The following ENAH variants were observed in gnomAD, a reference collection of about 807,000 sequenced individuals.
The protein encoded by ENAH is protein enabled homolog.
Under a neutral mutation model 78.7 loss-of-function variants are expected in ENAH, and 23 were observed. The observed-to-expected ratio is 0.29, with a 90% CI of 0.21 to 0.41. The LOEUF is 0.41. ENAH is among the 10% of genes least tolerant of loss of function. The pLI, the probability that ENAH is intolerant of heterozygous loss-of-function variation, is 1.00. For synonymous variants in ENAH, 226 were observed against 241.0 expected, an observed-to-expected ratio of 0.94 and a Z score of 0.58; for missense variants, 544 against 691.0, an observed-to-expected ratio of 0.79 and a Z score of 2.39.
At chr1:225,568,212 A>C (rs2096743939) in intron 1 of ENAH, among the ~76,000 whole-genome samples, 2 of 152,196 alleles carry the variant, frequency 1.3e-5, no homozygotes, top group Admixed American at 1.3e-4. Context: ...TTTGTTACCA[A>C]GTGAGACTGA....
intron 1 of ENAH, among the ~76,000 whole-genome samples, chr1:225,628,434 A>G (rs1658345590): frequency 6.6e-6 from 1 of 152,220 alleles, no homozygotes; most frequent in Admixed American, 6.5e-5. Context: ...CCTGTAAACC[A>G]CATAAATAGC....
chr1:225,585,329 A>G lies in ENAH; in HGVS notation c.6-17915T>C, dbSNP rs11579763. Among the ~76,000 whole-genome samples the G allele has an allele frequency of 9.6e-3, 1,454 of 152,208 alleles. 11 individuals carry two copies. Among genetic ancestry groups the G allele is most frequent in the South Asian group, 0.019 (91 of 4,826 alleles). On this transcript the variant is annotated intron_variant, in intron 1 of 13. Transcript: ENST00000366843. ...TAAACTGATAAAACTAGACAACAGA[A>G]GTACACAAAAAAATTTGCAAGCACA...
intron 1 of ENAH, among the ~76,000 whole-genome samples, chr1:225,600,048 A>C (rs1310178861): frequency 3.9e-5 from 6 of 152,026 alleles, no homozygotes. Flanking sequence ...CCATGAGTAA[A>C]AGCTCCCTGA....
chr1:225,510,050 C>A (rs191838540), intron 10 of ENAH, among the ~76,000 whole-genome samples: 1 of 152,358 alleles, frequency 6.6e-6, no homozygotes, highest in East Asian at 1.9e-4. Context: ...AACTTCACAC[C>A]TGTGTGTCTC....
intron 2 of ENAH, among the ~76,000 whole-genome samples, chr1:225,561,616 G>A (rs190309574): frequency 0.23 from 3,871 of 16,908 alleles, 82 homozygotes; most frequent in Non-Finnish European, 0.29. Flanking sequence ...GTGAGATTCC[G>A]TCTTAAAATA....
intron 1 of ENAH, among the ~76,000 whole-genome samples, chr1:225,573,048 GA>G (rs1483620195): frequency 6.6e-6 from 1 of 152,182 alleles, no homozygotes; most frequent in Non-Finnish European, 1.5e-5. Flanking sequence ...TATGTGATGA[GA>G]ACGCTTGCCA....
chr1:225,556,043 CTGTG>C (rs2096664981), intron 2 of ENAH, among the ~76,000 whole-genome samples: 3 of 152,282 alleles, frequency 2.0e-5, no homozygotes, highest in Admixed American at 2.0e-4. Context: ...TTGCATGCAG[CTGTG>C]GTTTGTTCAT....
intron 3 of ENAH, among the ~76,000 whole-genome samples, chr1:225,550,176 T>C (rs1200547502): frequency 6.6e-6 from 1 of 152,210 alleles, no homozygotes; most frequent in Non-Finnish European, 1.5e-5. Context: ...CTATCTAGAA[T>C]GTTCTATCAC....
chr1:225,514,949 ATAT>A, intron 6 of ENAH, 49 bp from the exon 7 acceptor site: 1 of 1,463,076 alleles, frequency 6.8e-7, no homozygotes. Flanking sequence ...GAGCTGAGTG[ATAT>A]TATTTTATGT....
In ENAH at chr1:225,497,033, G is replaced by A. The variant is rs1268166343; in HGVS notation, c.*742C>T. The A allele has an allele frequency of 6.6e-6, 1 of 152,608 alleles. No individual in the cohort carries two copies. The highest frequency in any genetic ancestry group is 1.5e-5 in the Non-Finnish European group (1 of 68,030). The allele number at this position is 152,608 out of a possible 1,614,324, so 9.5% of individuals were successfully genotyped here. On this transcript the variant is annotated 3_prime_UTR_variant, in exon 14 of 14. Coordinates refer to ENST00000366843, the MANE Select transcript of ENAH (RefSeq NM_018212.6). ...TTTGACCACTGGTTTGTGTTATGTA[G>A]AAGTCATAGATTTGGTAAAGCATTG...
intron 3 of ENAH, among the ~76,000 whole-genome samples, chr1:225,531,254 A>T (rs1428981186): frequency 1.3e-5 from 2 of 152,142 alleles, no homozygotes; most frequent in African/African-American, 2.4e-5. Context: ...TTTTTAATGT[A>T]ACAGGTAATT....
intron 4 of ENAH, among the ~76,000 whole-genome samples, chr1:225,522,482 A>C (rs1362069633): frequency 1.3e-5 from 2 of 152,220 alleles, no homozygotes; most frequent in Admixed American, 6.5e-5. Flanking sequence ...TCAGATTTTC[A>C]GGATCTAGTA....
intron 5 of ENAH, chr1:225,517,712 A>C (rs1364206645): frequency 3.9e-6 from 6 of 1,551,150 alleles, no homozygotes; most frequent in Non-Finnish European, 5.2e-6. Flanking sequence ...GAAGGTCGAG[A>C]GTTTTTGTTC....
intron 1 of ENAH, among the ~76,000 whole-genome samples, chr1:225,581,100 A>C (rs776286159): frequency 6.6e-6 from 1 of 152,050 alleles, no homozygotes; most frequent in African/African-American, 2.4e-5. Flanking sequence ...ACAGCATGAG[A>C]GTTCACAAAA....
chr1:225,589,350 T>C (rs2096864040), intron 1 of ENAH, among the ~76,000 whole-genome samples: 2 of 152,218 alleles, frequency 1.3e-5, no homozygotes, highest in Admixed American at 6.5e-5. Context: ...GGTAACGATA[T>C]AAATACTGAC....
chr1:225,645,300 G>A (rs1174558828), intron 1 of ENAH, among the ~76,000 whole-genome samples: 1 of 152,134 alleles, frequency 6.6e-6, no homozygotes, highest in Non-Finnish European at 1.5e-5. Flanking sequence ...GGCATATATC[G>A]CCTTTTGTGT....
chr1:225,627,088 C>T (rs1658085150), intron 1 of ENAH, among the ~76,000 whole-genome samples: 2 of 152,144 alleles, frequency 1.3e-5, no homozygotes, highest in Admixed American at 1.3e-4. Context: ...ATGGGCTCTA[C>T]AGTTTACAAA....
chr1:225,639,900 G>C (rs1480701457), intron 1 of ENAH, among the ~76,000 whole-genome samples: 1 of 152,158 alleles, frequency 6.6e-6, no homozygotes. Context: ...ACTGACTGTA[G>C]TATGTGTGGA....
chr1:225,539,289 T>C (rs910515853), intron 3 of ENAH, among the ~76,000 whole-genome samples: 1 of 152,174 alleles, frequency 6.6e-6, no homozygotes, highest in African/African-American at 2.4e-5. Flanking sequence ...GCAACAAGTA[T>C]CCCAGAAGCT....
Sources: allele counts gnomAD v4.1 joint callset (sites outside exome capture counted in the v4.1 genomes callset), GRCh38; gene constraint gnomAD v4.1.1; transcripts MANE v1.5; gene names NCBI Gene and HGNC (gene_info 2026-07-23, HGNC 2026-07-21).